The following PRF1 variants were observed in gnomAD, a reference collection of about 807,000 sequenced individuals.
PRF1 encodes the protein perforin 1.
A neutral mutation model predicts 11.7 loss-of-function variants in PRF1; 11 were observed. The ratio of observed to expected loss-of-function variants is 0.94; its 90% CI spans 0.59 to 1.56. PRF1 has a LOEUF of 1.56. PRF1 is among the 40% of genes most tolerant of loss of function. The probability of loss-of-function intolerance (pLI) is 0.00; values close to 1 mark genes in which losing one functional copy is unlikely to be tolerated. For missense variants in PRF1, 729 were observed against 751.0 expected, an observed-to-expected ratio of 0.97 and a Z score of 0.34; for synonymous variants, 314 against 327.8, an observed-to-expected ratio of 0.96 and a Z score of 0.45.
intron 1 of PRF1, 83 bp downstream of exon 1, chr10:70,602,562 A>G (rs1225562793): frequency 6.6e-6 from 1 of 152,038 alleles, no homozygotes; most frequent in Admixed American, 6.6e-5. Flanking sequence ...GTCTTGTCTT[A>G]TAGGTCACAG....
chr10:70,597,904 G>C lies in PRF1; in HGVS notation c.*149C>G. On this transcript the variant is annotated 3_prime_UTR_variant, in exon 3 of 3. Transcript: ENST00000441259. ...ATGTTTTAAGAAAGTTTGCGAATTT[G>C]CGTTGGGCCGCATTCAAAGCCATCC... 1 of 951,944 alleles carries C rather than the reference G, an allele frequency of 1.1e-6. No homozygotes were observed. Among genetic ancestry groups the C allele is most frequent in the South Asian group, 1.5e-5 (1 of 68,304 alleles). The allele number at this position is 951,944 out of a possible 1,614,324, so 59.0% of individuals were successfully genotyped here. A position where few individuals can be genotyped will look rare whatever the true frequency, so the allele number is the denominator to read the frequency against.
At position 70,597,807 on chromosome 10, in the gene PRF1, T is replaced by A; in HGVS notation, c.*246A>T. On this transcript the variant is annotated 3_prime_UTR_variant, in exon 3 of 3. Coordinates refer to ENST00000441259, the MANE Select transcript of PRF1 (RefSeq NM_001083116.3). ...GGAAGAAGAATTGTGTTGGGCCACATGTAAAATCCACTAGCACTAACGATA... is the reference window on the plus strand; with the variant it reads ...GGAAGAAGAATTGTGTTGGGCCACAAGTAAAATCCACTAGCACTAACGATA... The A allele has an allele frequency of 1.7e-6, 1 of 604,944 alleles. No homozygotes were observed. Among genetic ancestry groups the A allele is most frequent in the Non-Finnish European group, 2.9e-6 (1 of 343,854 alleles). The allele number at this position is 604,944 out of a possible 1,614,324, so 37.5% of individuals were successfully genotyped here.
rs919054906 is a variant in PRF1, at chr10:70,598,562, T to C, written c.1159A>G (p.Lys387Glu). Residue 387 changes from lysine to glutamate, a missense_variant, in exon 3 of 3, where the codon AAG becomes GAG. By Grantham distance (56) the Lys-to-Glu change is moderately conservative. Coordinates refer to ENST00000441259, the MANE Select transcript of PRF1 (RefSeq NM_001083116.3). ...CSRPCPPGRQ[K>E]SPRDPCQCVC... ...CACTGGCATGGGTCTCGGGGGCTCTTCTGCCGCCCTGGTGGGCACGGCCGG... is the reference window on the plus strand; with the variant it reads ...CACTGGCATGGGTCTCGGGGGCTCTCCTGCCGCCCTGGTGGGCACGGCCGG... 2 of 1,612,652 alleles carry C rather than the reference T, an allele frequency of 1.2e-6. No individual in the cohort carries two copies. The highest frequency in any genetic ancestry group is 1.7e-6 in the Non-Finnish European group (2 of 1,179,750).
intron 2 of PRF1, among the ~76,000 whole-genome samples, chr10:70,599,692 C>T (rs1848189469): frequency 6.6e-6 from 1 of 152,180 alleles, no homozygotes; most frequent in Non-Finnish European, 1.5e-5. Context: ...CATCCGTCCC[C>T]CTGGATGGGT....
Position 70,598,275 on chromosome 10 carries a change from G to C in PRF1, c.1446C>G (p.Val482=). 3 of 1,614,232 alleles carry C rather than the reference G, an allele frequency of 1.9e-6. No individual in the cohort carries two copies. Among genetic ancestry groups the C allele is most frequent in the Non-Finnish European group, 2.5e-6 (3 of 1,180,044 alleles). Reference sequence around the variant, plus strand: ...CGTCCCTGCCAGAGTCCTGATCCCAGACCTGCAACCTCAGGGGCCCCCCTG... The same window carrying C: ...CGTCCCTGCCAGAGTCCTGATCCCACACCTGCAACCTCAGGGGCCCCCCTG... The part of the protein sequence containing the change: ...LATGGPLRLQ[V]WDQDSGRDDD... Residue 482 remains valine, a synonymous_variant, in exon 3 of 3, where the codon GTC becomes GTG. Coordinates refer to ENST00000441259, the MANE Select transcript of PRF1 (RefSeq NM_001083116.3).
chr10:70,598,295 C>T lies in PRF1; in HGVS notation c.1426G>A (p.Gly476Arg). The T allele has an allele frequency of 6.2e-7, 1 of 1,614,206 alleles. No homozygotes were observed. Among genetic ancestry groups the T allele is most frequent in the Non-Finnish European group, 8.5e-7 (1 of 1,180,032 alleles). Reference protein sequence around the residue: ...DFGDVLLATGGPLRLQVWDQD... With the variant: ...DFGDVLLATGRPLRLQVWDQD... ...TCCCAGACCTGCAACCTCAGGGGCC[C>T]CCCTGTGGCCAGGAGCACATCCCCA... Residue 476 changes from glycine (G) to arginine (R), a missense_variant, in exon 3 of 3, where the codon GGG becomes AGG. By Grantham distance (125) the Gly-to-Arg change is moderately radical. Coordinates refer to ENST00000441259, the MANE Select transcript of PRF1 (RefSeq NM_001083116.3).
chr10:70,599,267 A>T, intron 2 of PRF1, 86 bp from the exon 3 acceptor site: 18 of 1,524,372 alleles, frequency 1.2e-5, no homozygotes, highest in Non-Finnish European at 1.5e-5. Context: ...GCTCAAGGTC[A>T]CATGTAAGTG....
At chr10:70,599,261 A>G (rs965676821) in intron 2 of PRF1, 80 bp from the exon 3 acceptor site, 30 of 1,546,096 alleles carry the variant, frequency 1.9e-5, no homozygotes, top group Admixed American at 1.3e-4. Context: ...AGGACTGCTC[A>G]AGGTCACATG....
At position 70,598,368 on chromosome 10, in the gene PRF1, G is replaced by A. The variant is rs772785941; in HGVS notation, c.1353C>T (p.Ser451=). 5 of 1,614,060 alleles carry A rather than the reference G, an allele frequency of 3.1e-6. No individual in the cohort carries two copies. Among genetic ancestry groups the A allele is most frequent in the Non-Finnish European group, 4.2e-6 (5 of 1,180,044 alleles). The change falls in exon 3 of 3, where the codon AGC becomes AGT. Residue 451 remains serine, a synonymous_variant. Coordinates refer to ENST00000441259, the MANE Select transcript of PRF1 (RefSeq NM_001083116.3). The part of the protein sequence containing the change: ...LFFGGQELRT[S]TVWDNNNPIW... ...TGGGGTTGTTATTGTCCCACACGGT[G>A]CTCGTCCTCAGCTCCTGGCCACCAA... is the stretch of plus-strand genomic sequence containing the variant.
Position 70,597,874 on chromosome 10 carries a change from T to A in PRF1, c.*179A>T. 1.4e-6 allele frequency: 1 copy of A among 709,648 alleles called. No homozygotes were observed. The highest frequency in any genetic ancestry group is 2.3e-6 in the Non-Finnish European group (1 of 429,602). 44.0% of individuals were successfully genotyped at this position (709,648 alleles called of 1,614,324 possible). A position where few individuals can be genotyped will look rare whatever the true frequency, so the allele number is the denominator to read the frequency against. ...AAAAAAAAAAATAGCAAAAAGAAAC[T>A]CATAATGTTTTAAGAAAGTTTGCGA... is the stretch of plus-strand genomic sequence containing the variant. On this transcript the variant is annotated 3_prime_UTR_variant, in exon 3 of 3. Coordinates refer to ENST00000441259, the MANE Select transcript of PRF1 (RefSeq NM_001083116.3).
intron 2 of PRF1, among the ~76,000 whole-genome samples, chr10:70,599,694 T>C (rs1486271993): frequency 1.3e-5 from 2 of 152,318 alleles, no homozygotes; most frequent in African/African-American, 4.8e-5. Flanking sequence ...TCCGTCCCCC[T>C]GGATGGGTCC....
At position 70,597,828 on chromosome 10, in the gene PRF1, C is replaced by T. The variant is rs1428207945; in HGVS notation, c.*225G>A. The T allele has an allele frequency of 1.3e-5, 8 of 615,944 alleles. No homozygotes were observed. Among genetic ancestry groups the T allele is most frequent in the Admixed American group, 8.8e-5 (3 of 33,932 alleles). 38.2% of individuals were successfully genotyped at this position (615,944 alleles called of 1,614,324 possible). ...CACATGTAAAATCCACTAGCACTAA[C>T]GATAGCCGATGAGCTAAAAAAAAAA... On this transcript the variant is annotated 3_prime_UTR_variant, in exon 3 of 3. Transcript: ENST00000441259.
rs1390072644 is a variant in PRF1 at position 70,597,561 on chromosome 10, G to T, written c.*492C>A. The T allele has an allele frequency of 4.4e-6, 2 of 459,300 alleles. No individual in the cohort carries two copies. Among genetic ancestry groups the T allele is most frequent in the East Asian group, 6.4e-5 (2 of 31,448 alleles). The allele number at this position is 459,300 out of a possible 1,614,324, so 28.5% of individuals were successfully genotyped here. A position where few individuals can be genotyped will look rare whatever the true frequency, so the allele number is the denominator to read the frequency against. ...CTAAAAGACCAGCCCTGAGCAGCCT[G>T]GTGGGAACAGCCTCTTGGCCTTCTG... On this transcript the variant is annotated 3_prime_UTR_variant, in exon 3 of 3. Coordinates refer to ENST00000441259, the MANE Select transcript of PRF1 (RefSeq NM_001083116.3).
Position 70,600,509 on chromosome 10 carries a change from C to A in PRF1, c.394G>T (p.Gly132Trp), listed in dbSNP as rs201382038. The stretch of plus-strand genomic sequence containing the variant: ...GTGGGCTTAGGAGTCACGTCCAGCC[C>A]GACCTTCCAGTCGTTGCGGATGCTA... ...ARSIRNDWKV[G>W]LDVTPKPTSN... The change falls in exon 2 of 3, where the codon GGG becomes TGG. Residue 132 changes from glycine (G) to tryptophan (W), a missense_variant. Transcript: ENST00000441259. This position sits in a 1 kb window ranked among gnomAD's most constrained non-coding sequence, Gnocchi z 4.9. 1.2e-6 allele frequency: 2 copies of A among 1,614,174 alleles called. No homozygotes were observed. The highest frequency in any genetic ancestry group is 8.5e-7 in the Non-Finnish European group (1 of 1,180,038).
Position 70,600,971 on chromosome 10 carries a change from C to A in PRF1, c.-30-39G>T. 1 of 1,538,458 alleles carries A rather than the reference C, an allele frequency of 6.5e-7. No individual in the cohort carries two copies. The highest frequency in any genetic ancestry group is 8.7e-7 in the Non-Finnish European group (1 of 1,146,378). On this transcript the variant is annotated intron_variant, in intron 1 of 2. Transcript: ENST00000441259. This position sits in a 1 kb window ranked among gnomAD's most constrained non-coding sequence, Gnocchi z 4.9. ...GGTGGAGGGATGGAGGATGACTGCT[C>A]CCTTCCCCCACAGCCACAGATTATC...
In PRF1 at chr10:70,600,535, C is replaced by T. The variant is rs139336186; in HGVS notation, c.368G>A (p.Arg123His). 3.8e-4 allele frequency: 615 copies of T among 1,613,266 alleles called. No individual in the cohort carries two copies. In the Middle Eastern group the frequency reaches 5.3e-3, roughly 14 times the overall value. ...GACCTTCCAGTCGTTGCGGATGCTA[C>T]GAGCCGCATCCCGGGCCACAGCTTC... The part of the protein sequence containing the change: ...STEAVARDAA[R>H]SIRNDWKVGL... The change falls in exon 2 of 3, where the codon CGT becomes CAT. Residue 123 changes from arginine to histidine, a missense_variant. Arg to His is a conservative substitution (Grantham distance 29). Transcript: ENST00000441259. The surrounding 1 kb of genome is among the most constrained non-coding windows in gnomAD (Gnocchi z 4.9).
chr10:70,602,008 T>C (rs1438642826), intron 1 of PRF1, among the ~76,000 whole-genome samples: 2 of 152,098 alleles, frequency 1.3e-5, no homozygotes, highest in African/African-American at 4.8e-5. Flanking sequence ...TGGACAATGA[T>C]TGTCTGGAAG....
At chr10:70,599,270 T>A in intron 2 of PRF1, 89 bp from the exon 3 acceptor site, 2 of 1,515,046 alleles carry the variant, frequency 1.3e-6, no homozygotes, top group Non-Finnish European at 1.8e-6. Context: ...CAAGGTCACA[T>A]GTAAGTGGGC....
intron 2 of PRF1, among the ~76,000 whole-genome samples, chr10:70,599,733 C>T (rs1478059615): frequency 1.3e-5 from 2 of 152,216 alleles, no homozygotes; most frequent in African/African-American, 4.8e-5. Flanking sequence ...ACAGCTTGGG[C>T]CATGCTCGGC....
Sources: gnomAD v4.1 joint callset for allele counts (sites outside exome capture counted in the v4.1 genomes callset) on GRCh38, gnomAD v4.1.1 for gene constraint, Gnocchi (gnomAD v3.1) non-coding constraint, MANE v1.5 for transcripts, NCBI Gene and HGNC (gene_info 2026-07-23, HGNC 2026-07-21) for gene names.